PHF12: variants seen among roughly 807,000 people sequenced by gnomAD.
PHF12 encodes the protein PHD factor 1.
In PHF12, 6 loss-of-function variants were observed where a neutral mutation model predicts 99.8. That is an observed-to-expected ratio of 0.06 (90% confidence interval 0.03 to 0.12). PHF12 has a LOEUF of 0.12. Ranked by LOEUF, PHF12 falls within the 10% of genes least tolerant of loss-of-function variation. PHF12 has a pLI of 1.00. For synonymous variants in PHF12, 480 were observed against 514.9 expected (o/e 0.93, Z 0.92); for missense variants, 954 against 1,300.1 (o/e 0.73, Z 4.09).
At chr17:28,912,272 C>T (rs552372545) in intron 9 of PHF12, 3 of 1,340,376 alleles carry the variant, frequency 2.2e-6, no homozygotes, top group African/African-American at 1.5e-5. Flanking sequence ...AAGGAAATCA[C>T]TGAAGCTTTC....
rs560685487 is a variant in PHF12, at chr17:28,924,476, G to C, written c.322-174C>G. On this transcript the variant is annotated intron_variant, in intron 3 of 14. Transcript: ENST00000332830. ...TGTTAAAGTTGACACAACTCTAACT[G>C]AACTAAAGCTGACAAAACTGTTGCA... is the stretch of plus-strand genomic sequence containing the variant. 6.2e-6 allele frequency: 5 copies of C among 805,938 alleles called. No individual in the cohort carries two copies. In the East Asian group the frequency reaches 1.3e-4, roughly 21 times the overall value. The allele number at this position is 805,938 out of a possible 1,614,324, so 49.9% of individuals were successfully genotyped here.
intron 7 of PHF12, 127 bp from the exon 8 acceptor site, chr17:28,914,164 TGAGGAAAAG>T: frequency 9.2e-7 from 1 of 1,081,986 alleles, no homozygotes; most frequent in Non-Finnish European, 1.3e-6. Flanking sequence ...TGGGGTCTGC[TGAGGAAAAG>T]GAGGCTCAGA....
Position 28,941,447 on chromosome 17 carries a change from T to C in PHF12, c.248+8618A>G, listed in dbSNP as rs991390149. On this transcript the variant is annotated intron_variant, in intron 2 of 14. Coordinates refer to ENST00000332830, the MANE Select transcript of PHF12 (RefSeq NM_001033561.2). ...ACTGTCCAGTAAATATTCTCTGCGC[T>C]CTCTTTATTTACTGTTATCTGGGCT... Among the ~76,000 whole-genome samples, 15 of 152,300 alleles carry C rather than the reference T, an allele frequency of 9.8e-5. 1 individual carries two copies. The highest frequency in any genetic ancestry group is 4.6e-4 in the Admixed American group (7 of 15,298).
At chr17:28,916,427 C>T (rs1022860434) in intron 7 of PHF12, among the ~76,000 whole-genome samples, 1 of 152,160 alleles carries the variant, frequency 6.6e-6, no homozygotes, top group African/African-American at 2.4e-5. Flanking sequence ...AACTCCTGAC[C>T]TCAGGTAATC....
In PHF12 at chr17:28,950,344, C is replaced by A. The variant is rs571592962; in HGVS notation, c.67-98G>T. 4.6e-6 allele frequency: 6 copies of A among 1,309,480 alleles called. No individual in the cohort carries two copies. Among genetic ancestry groups the A allele is most frequent in the South Asian group, 1.4e-5 (1 of 71,752 alleles). The allele number at this position is 1,309,480 out of a possible 1,614,324, so 81.1% of individuals were successfully genotyped here. A position where few individuals can be genotyped will look rare whatever the true frequency, so the allele number is the denominator to read the frequency against. ...TTCTCCGTCACCCACCCCTCTCCCCCCTTTTGTCCTTCTTCCTCCCATCCA... is the reference window on the plus strand; with the variant it reads ...TTCTCCGTCACCCACCCCTCTCCCCACTTTTGTCCTTCTTCCTCCCATCCA... On this transcript the variant is annotated intron_variant, in intron 1 of 14. Transcript: ENST00000332830. This position sits in a 1 kb window ranked among gnomAD's most constrained non-coding sequence, Gnocchi z 5.7.
chr17:28,926,801 A>G, intron 3 of PHF12, 190 bp downstream of exon 3: 1 of 1,530,774 alleles, frequency 6.5e-7, no homozygotes, highest in Non-Finnish European at 8.7e-7. Context: ...CCATTTCAGC[A>G]GCCCATGTTT....
chr17:28,907,750 GGAGA>G, intron 12 of PHF12, 78 bp from the exon 13 acceptor site: 12 of 1,400,764 alleles, frequency 8.6e-6, no homozygotes, highest in Non-Finnish European at 1.2e-5. Context: ...GGTAAGACAG[GGAGA>G]GAGTTAGCTT....
rs2040796880 is a variant in PHF12 at position 28,950,811 on chromosome 17, C to A, written c.66+84G>T. ...CCCTCCCTCGGCCATCTAGGCGCTT[C>A]GAGTTTAGGACTGGCTTTGTGGGGC... On this transcript the variant is annotated intron_variant, in intron 1 of 14. Transcript: ENST00000332830. The surrounding 1 kb of genome is among the most constrained non-coding windows in gnomAD (Gnocchi z 5.7). The A allele has an allele frequency of 3.1e-5, 48 of 1,553,342 alleles. No individual in the cohort carries two copies. The highest frequency in any genetic ancestry group is 4.1e-5 in the Non-Finnish European group (47 of 1,144,448).
intron 2 of PHF12, among the ~76,000 whole-genome samples, chr17:28,934,613 T>C (rs1431035369): frequency 1.8e-5 from 2 of 111,170 alleles, no homozygotes; most frequent in Non-Finnish European, 3.9e-5. Flanking sequence ...CTTTTCTATT[T>C]TTTTTTTTTT....
Position 28,949,994 on chromosome 17 carries a change from G to C in PHF12, c.248+71C>G, listed in dbSNP as rs1396141840. ...AAGCGCCCGTTATTTCGGCAGTCAG[G>C]GGCAGGCCGGGTGAAGGAATGCGCA... On this transcript the variant is annotated intron_variant, in intron 2 of 14. Transcript: ENST00000332830. This position sits in a 1 kb window ranked among gnomAD's most constrained non-coding sequence, Gnocchi z 4.6. 17 of 1,451,924 alleles carry C rather than the reference G, an allele frequency of 1.2e-5. No homozygotes were observed. In the South Asian group the frequency reaches 1.4e-4, roughly 12 times the overall value. 89.9% of individuals were successfully genotyped at this position (1,451,924 alleles called of 1,614,324 possible).
intron 7 of PHF12, among the ~76,000 whole-genome samples, chr17:28,916,891 C>T (rs1371182583): frequency 6.6e-6 from 1 of 152,226 alleles, no homozygotes; most frequent in Non-Finnish European, 1.5e-5. Context: ...ATTAGCTCTT[C>T]ACCTTCCACA....
intron 2 of PHF12, among the ~76,000 whole-genome samples, chr17:28,930,975 G>C (rs1040928185): frequency 6.6e-6 from 1 of 152,180 alleles, no homozygotes; most frequent in South Asian, 2.1e-4. Flanking sequence ...GTGGGGCTGA[G>C]GTGAGAGGAT....
chr17:28,950,036 G>A lies in PHF12; in HGVS notation c.248+29C>T. On this transcript the variant is annotated intron_variant, in intron 2 of 14. Transcript: ENST00000332830. This position sits in a 1 kb window ranked among gnomAD's most constrained non-coding sequence, Gnocchi z 5.7. ...GAATGCGCAGAGAAGGGTCCGCCAA[G>A]AAGCTCCAAAAGGGTCCCCAGACCT... The A allele has an allele frequency of 6.5e-7, 1 of 1,544,474 alleles. No individual in the cohort carries two copies. Among genetic ancestry groups the A allele is most frequent in the Non-Finnish European group, 8.8e-7 (1 of 1,139,824 alleles).
chr17:28,909,263 C>T (rs1286244304), intron 11 of PHF12: 1 of 187,304 alleles, frequency 5.3e-6, no homozygotes, highest in Non-Finnish European at 1.1e-5. Context: ...GCCTACAGAT[C>T]TTGTTGAAAT....
In PHF12 at chr17:28,913,183, T is replaced by A. The variant is rs143239464; in HGVS notation, c.1388A>T (p.Lys463Met). The A allele has an allele frequency of 1.8e-5, 29 of 1,614,050 alleles. No individual in the cohort carries two copies. The highest frequency in any genetic ancestry group is 2.2e-5 in the Non-Finnish European group (26 of 1,180,032). Reference sequence around the variant, plus strand: ...CACAATAACAGGCTTAATATCAGCCTTCTCTGTCTGTTCAGAGTCCCAATG... The same window carrying A: ...CACAATAACAGGCTTAATATCAGCCATCTCTGTCTGTTCAGAGTCCCAATG... ...PSHWDSEQTE[K>M]ADIKPVIVTD... Residue 463 changes from lysine (K) to methionine (M), a missense_variant, in exon 9 of 15, where the codon AAG becomes ATG. By Grantham distance (95) the Lys-to-Met change is moderately conservative. Transcript: ENST00000332830.
rs1454388604 is a variant in PHF12, at chr17:28,950,539, G to A, written c.67-293C>T. On this transcript the variant is annotated intron_variant, in intron 1 of 14. Transcript: ENST00000332830. The surrounding 1 kb of genome is among the most constrained non-coding windows in gnomAD (Gnocchi z 5.7). ...TGCCACTTCCTTGTATGGACAGTGG[G>A]GGACTCCAAAGACCCGCTCGGGAGA... is the stretch of plus-strand genomic sequence containing the variant. 1.9e-6 allele frequency: 1 copy of A among 534,882 alleles called. No homozygotes were observed. Among genetic ancestry groups the A allele is most frequent in the Non-Finnish European group, 3.3e-6 (1 of 301,604 alleles). 33.1% of individuals were successfully genotyped at this position (534,882 alleles called of 1,614,324 possible).
intron 10 of PHF12, 103 bp downstream of exon 10, chr17:28,911,009 A>C: frequency 4.1e-6 from 6 of 1,477,606 alleles, no homozygotes; most frequent in Admixed American, 1.9e-5. Flanking sequence ...GGCCTCTGGG[A>C]TCAGGTGTCC....
intron 7 of PHF12, 125 bp downstream of exon 7, chr17:28,917,160 C>A: frequency 6.9e-6 from 9 of 1,305,616 alleles, no homozygotes; most frequent in Non-Finnish European, 9.7e-6. Flanking sequence ...TCATTACTCA[C>A]GAGACACCAC....
At chr17:28,947,278 GC>G (rs2040737284) in intron 2 of PHF12, among the ~76,000 whole-genome samples, 2 of 152,180 alleles carry the variant, frequency 1.3e-5, no homozygotes, top group African/African-American at 4.8e-5. Flanking sequence ...ACAGCACCCG[GC>G]TGGGACAAAT....
Sources: gnomAD v4.1 joint callset for allele counts (sites outside exome capture counted in the v4.1 genomes callset) on GRCh38, gnomAD v4.1.1 for gene constraint, Gnocchi (gnomAD v3.1) non-coding constraint, MANE v1.5 for transcripts, NCBI Gene and HGNC (gene_info 2026-07-23, HGNC 2026-07-21) for gene names.